Variants in SEMA6D observed in about 807,000 individuals in gnomAD.
SEMA6D encodes semaphorin-6D.
A neutral mutation model predicts 106.6 loss-of-function variants in SEMA6D; 35 were observed. The observed-to-expected ratio is 0.33, with a 90% CI of 0.25 to 0.44. The LOEUF (loss-of-function observed/expected upper bound fraction) is 0.44, where lower values mean the gene tolerates loss of function less well. Among genes scored for constraint, SEMA6D ranks in the 20% least tolerant of loss-of-function variants. The pLI is 1.00. For synonymous variants in SEMA6D, 499 were observed against 487.7 expected, an observed-to-expected ratio of 1.02 and a Z score of -0.31; for missense variants, 1,185 against 1,345.9, an observed-to-expected ratio of 0.88 and a Z score of 1.87.
At chr15:47,193,993 G>A (rs1476095544) in intron 1 of SEMA6D, among the ~76,000 whole-genome samples, 1 of 151,888 alleles carries the variant, frequency 6.6e-6, no homozygotes, top group African/African-American at 2.4e-5. Context: ...GATTACATTT[G>A]TTCCCTTAAT....
At chr15:47,379,609 G>T (rs568393774) in intron 1 of SEMA6D, among the ~76,000 whole-genome samples, 3 of 152,320 alleles carry the variant, frequency 2.0e-5, no homozygotes, top group South Asian at 4.1e-4. Flanking sequence ...ATTAATCAGA[G>T]AAGTCTTCCT....
At chr15:47,594,274 A>G (rs1467735690) in intron 3 of SEMA6D, among the ~76,000 whole-genome samples, 1 of 152,124 alleles carries the variant, frequency 6.6e-6, no homozygotes, top group Non-Finnish European at 1.5e-5. Context: ...CCCTGGTCCC[A>G]GGTTTGGTTG....
intron 4 of SEMA6D, among the ~76,000 whole-genome samples, chr15:47,701,333 A>C (rs2078806500): frequency 6.6e-6 from 1 of 152,108 alleles, no homozygotes; most frequent in Non-Finnish European, 1.5e-5. Flanking sequence ...ATAGAAGTAG[A>C]GAGTAGAATG....
intron 1 of SEMA6D, among the ~76,000 whole-genome samples, chr15:47,318,736 A>C (rs1482444856): frequency 7.5e-6 from 1 of 132,628 alleles, no homozygotes; most frequent in Non-Finnish European, 1.6e-5. Context: ...ATACATGTGC[A>C]TGTGTCTTTA....
At chr15:47,474,769 C>A (rs1443356090) in intron 3 of SEMA6D, among the ~76,000 whole-genome samples, 1 of 152,174 alleles carries the variant, frequency 6.6e-6, no homozygotes, top group East Asian at 1.9e-4. Flanking sequence ...TTCCTTGGCC[C>A]TTTTGCAATC....
At position 47,764,869 on chromosome 15, in the gene SEMA6D, G is replaced by T. The variant is rs780017712; in HGVS notation, c.1254-14G>T. 1 of 1,613,488 alleles carries T rather than the reference G, an allele frequency of 6.2e-7. No individual in the cohort carries two copies. Among genetic ancestry groups the T allele is most frequent in the East Asian group, 2.2e-5 (1 of 44,806 alleles). On this transcript the variant is annotated splice_polypyrimidine_tract_variant and intron_variant, in intron 12 of 18. Transcript: ENST00000536845. ...TTGGCCTCCCCTTCTGATCTGTGCC[G>T]CCTCCTCTTGTAGGTACAGACTGAC...
At chr15:47,397,926 A>G (rs1016095760) in intron 1 of SEMA6D, 3 of 152,192 alleles carry the variant, frequency 2.0e-5, no homozygotes, top group Non-Finnish European at 4.4e-5. Context: ...GCAAAAATAG[A>G]ATAACAGTAT....
intron 4 of SEMA6D, among the ~76,000 whole-genome samples, chr15:47,644,403 A>G (rs1001540823): frequency 6.6e-6 from 1 of 152,230 alleles, no homozygotes; most frequent in East Asian, 1.9e-4. Flanking sequence ...TCAACTATGC[A>G]TTTTGAAGCA....
At chr15:47,506,616 A>ACACACACACG (rs1189473248) in intron 3 of SEMA6D, among the ~76,000 whole-genome samples, 1 of 151,708 alleles carries the variant, frequency 6.6e-6, no homozygotes, top group African/African-American at 2.4e-5. Context: ...ACACACACAC[A>ACACACACACG]CACACACACA....
intron 3 of SEMA6D, among the ~76,000 whole-genome samples, chr15:47,497,499 C>A (rs190671397): frequency 6.6e-6 from 1 of 151,988 alleles, no homozygotes; most frequent in Non-Finnish European, 1.5e-5. Flanking sequence ...TTTTGAAATT[C>A]CTACTTTCCT....
intron 1 of SEMA6D, among the ~76,000 whole-genome samples, chr15:47,246,267 G>C (rs2033191747): frequency 6.6e-6 from 1 of 152,158 alleles, no homozygotes; most frequent in Non-Finnish European, 1.5e-5. Context: ...GTCTCTGAGA[G>C]TGAAGGGGTA....
intron 1 of SEMA6D, among the ~76,000 whole-genome samples, chr15:47,359,227 T>G (rs1595818906): frequency 6.6e-6 from 1 of 152,206 alleles, no homozygotes; most frequent in African/African-American, 2.4e-5. Flanking sequence ...GTGTACATAT[T>G]TATACATATG....
At chr15:47,757,561 A>G (rs916688168) in intron 1 of SEMA6D, among the ~76,000 whole-genome samples, 2 of 152,188 alleles carry the variant, frequency 1.3e-5, no homozygotes, top group African/African-American at 4.8e-5. Context: ...GTAGTAAAAA[A>G]CTAGAACCAA....
At chr15:47,325,897 C>T (rs1024292143) in intron 1 of SEMA6D, among the ~76,000 whole-genome samples, 2 of 152,036 alleles carry the variant, frequency 1.3e-5, no homozygotes, top group Admixed American at 6.6e-5. Context: ...TTACCTCAAG[C>T]GGTTGCCCAG....
chr15:47,435,617 C>T (rs2041677118), intron 2 of SEMA6D, among the ~76,000 whole-genome samples: 1 of 152,044 alleles, frequency 6.6e-6, no homozygotes. Flanking sequence ...TGCTCTGGCT[C>T]TTGAGAGATG....
At chr15:47,500,286 G>A (rs1202828471) in intron 3 of SEMA6D, among the ~76,000 whole-genome samples, 2 of 148,512 alleles carry the variant, frequency 1.3e-5, no homozygotes, top group African/African-American at 5.0e-5. Flanking sequence ...GCCACCAAAT[G>A]TAAATGGAGC....
At chr15:47,302,028 C>G (rs1331543369) in intron 1 of SEMA6D, among the ~76,000 whole-genome samples, 1 of 152,066 alleles carries the variant, frequency 6.6e-6, no homozygotes. Flanking sequence ...CAGTAACAAC[C>G]AAGTAAATGC....
chr15:47,597,859 A>ATT (rs2076568141), intron 3 of SEMA6D, among the ~76,000 whole-genome samples: 1 of 149,482 alleles, frequency 6.7e-6, no homozygotes, highest in Non-Finnish European at 1.5e-5. Context: ...ATATATATAT[A>ATT]TTATATATAT....
chr15:47,637,527 A>T (rs73392810), intron 4 of SEMA6D, among the ~76,000 whole-genome samples: 4,903 of 152,098 alleles, frequency 0.032, 267 homozygotes, highest in African/African-American at 0.11. Flanking sequence ...TGCTCAGGAG[A>T]TTGGGGAACA....
Sources: allele counts gnomAD v4.1 joint callset (sites outside exome capture counted in the v4.1 genomes callset), GRCh38; gene constraint gnomAD v4.1.1; transcripts MANE v1.5; gene names NCBI Gene and HGNC (gene_info 2026-07-23, HGNC 2026-07-21).